CPEB2: variants seen among roughly 807,000 people sequenced by gnomAD.
The protein encoded by CPEB2 is cytoplasmic polyadenylation element-binding protein 2.
CPEB2 carries 56 observed loss-of-function variants against 93.6 expected under a neutral mutation model. That is an observed-to-expected ratio of 0.60 (90% CI 0.48 to 0.75). The LOEUF (loss-of-function observed/expected upper bound fraction) is 0.75. Ranked by LOEUF, CPEB2 falls within the 30% of genes least tolerant of loss-of-function variation. The pLI is 0.00. For synonymous variants in CPEB2, 764 were observed against 586.3 expected, an observed-to-expected ratio of 1.30 and a Z score of -4.38; for missense variants, 1,579 against 1,395.1, an observed-to-expected ratio of 1.13 and a Z score of -2.10.
intron 3 of CPEB2, 51 bp from the exon 4 acceptor site, chr4:15,017,137 T>G (rs1268302741): frequency 9.5e-7 from 1 of 1,047,770 alleles, no homozygotes; most frequent in Non-Finnish European, 1.5e-6. Flanking sequence ...TATAATCGCT[T>G]TTTGAAAAAA....
In CPEB2 at chr4:15,002,841, C is replaced by G. The variant is rs1389863101; in HGVS notation, c.168C>G (p.Thr56=). ...GPLSPPPLPV[T]GFLEAASPFS... ...TGTCGCCACCACCGTTGCCTGTCAC[C>G]GGCTTCTTAGAGGCCGCCTCCCCCT... is the stretch of plus-strand genomic sequence containing the variant. The change falls in exon 1 of 12, where the codon ACC becomes ACG. Residue 56 remains threonine, a synonymous_variant. Transcript: ENST00000538197. The G allele has an allele frequency of 6.5e-7, 1 of 1,535,124 alleles. No homozygotes were observed. Among genetic ancestry groups the G allele is most frequent in the Non-Finnish European group, 8.7e-7 (1 of 1,146,566 alleles).
At chr4:15,054,296 G>A in intron 8 of CPEB2, 79 bp downstream of exon 8, 2 of 950,652 alleles carry the variant, frequency 2.1e-6, no homozygotes, top group Admixed American at 2.2e-5. Flanking sequence ...TACTTAGCCA[G>A]TTAGGAATCA....
intron 1 of CPEB2, chr4:15,005,112 C>T (rs945371095): frequency 9.9e-5 from 15 of 152,172 alleles, no homozygotes; most frequent in African/African-American, 3.4e-4. Flanking sequence ...CCGCCCTCCT[C>T]GCAGGACCTG....
rs1430323932 is a variant in CPEB2, at chr4:15,004,027, G to A, written c.1354G>A (p.Gly452Arg). ...CGACTCAGAGAACGGCTTCTACCCC[G>A]GGCTGCCGTCGTCCATGAACCCGGC... ...SPDSENGFYP[G>R]LPSSMNPAFF... is the part of the protein sequence containing the mutation. Residue 452 changes from glycine to arginine, a missense_variant, in exon 1 of 12, where the codon GGG (glycine) becomes AGG (arginine). Gly to Arg is a moderately radical substitution (Grantham distance 125, BLOSUM62 -2). Coordinates refer to ENST00000538197, the MANE Select transcript of CPEB2 (RefSeq NM_001177382.2). 5 of 1,561,266 alleles carry A rather than the reference G, an allele frequency of 3.2e-6. No individual in the cohort carries two copies. The highest frequency in any genetic ancestry group is 1.9e-5 in the Admixed American group (1 of 53,968).
chr4:15,054,160 C>A lies in CPEB2; in HGVS notation c.2404C>A (p.Pro802Thr). The A allele has an allele frequency of 1.2e-6, 2 of 1,610,414 alleles. No homozygotes were observed. Among genetic ancestry groups the A allele is most frequent in the East Asian group, 2.2e-5 (1 of 44,512 alleles). Residue 802 changes from proline (P) to threonine (T), a missense_variant, in exon 8 of 12, where the codon CCT becomes ACT. Transcript: ENST00000538197. ...EITASFRRFG[P>T]LVVDWPHKAE... The stretch of plus-strand genomic sequence containing the variant: ...AACTGCTAGCTTCAGAAGATTTGGG[C>A]CTTTGGTAGTAGATTGGCCTCATAA...
intron 6 of CPEB2, among the ~76,000 whole-genome samples, chr4:15,041,443 C>G (rs552226978): frequency 4.6e-5 from 7 of 151,364 alleles, no homozygotes; most frequent in Non-Finnish European, 7.4e-5. Context: ...GCTCTTGTTG[C>G]CCAGGCTGGA....
chr4:15,027,518 T>C (rs1317033925), intron 4 of CPEB2, among the ~76,000 whole-genome samples: 3 of 152,180 alleles, frequency 2.0e-5, no homozygotes, highest in African/African-American at 7.2e-5. Flanking sequence ...TGAGCAGAGA[T>C]TGGAGTTATT....
chr4:15,042,547 A>G (rs1727290119), intron 6 of CPEB2, among the ~76,000 whole-genome samples: 1 of 152,178 alleles, frequency 6.6e-6, no homozygotes, highest in Non-Finnish European at 1.5e-5. Context: ...GGCTTAGCAT[A>G]AGGGGGAGTG....
At chr4:15,034,804 G>A (rs1164549422) in intron 5 of CPEB2, among the ~76,000 whole-genome samples, 1 of 152,134 alleles carries the variant, frequency 6.6e-6, no homozygotes, top group Non-Finnish European at 1.5e-5. Flanking sequence ...AAGAAGTCTT[G>A]AATATTAGGG....
Position 15,003,033 on chromosome 4 carries a change from C to A in CPEB2, c.360C>A (p.Asp120Glu). 1 of 1,507,772 alleles carries A rather than the reference C, an allele frequency of 6.6e-7. No homozygotes were observed. Among genetic ancestry groups the A allele is most frequent in the Middle Eastern group, 1.7e-4 (1 of 5,832 alleles). The allele number at this position is 1,507,772 out of a possible 1,614,324, so 93.4% of individuals were successfully genotyped here. A position where few individuals can be genotyped will look rare whatever the true frequency, so the allele number is the denominator to read the frequency against. Residue 120 changes from aspartate to glutamate, a missense_variant, in exon 1 of 12, where the codon GAC (aspartate) becomes GAA (glutamate). Coordinates refer to ENST00000538197, the MANE Select transcript of CPEB2 (RefSeq NM_001177382.2). ...CGGCGGCCACGGAGAAACTCCCCGA[C>A]CACCACCCCGGCGGCGGCACGATCG... ...SGAAATEKLP[D>E]HHPGGGTIAG...
At chr4:15,060,697 A>G (rs1012698042) in intron 10 of CPEB2, among the ~76,000 whole-genome samples, 3 of 152,284 alleles carry the variant, frequency 2.0e-5, no homozygotes, top group Non-Finnish European at 2.9e-5. Flanking sequence ...AGAAATTTCA[A>G]TTAAACCATG....
chr4:15,061,103 T>C (rs894382661), intron 10 of CPEB2, among the ~76,000 whole-genome samples: 4 of 152,172 alleles, frequency 2.6e-5, no homozygotes, highest in African/African-American at 9.7e-5. Flanking sequence ...ATACCGAGTG[T>C]GGCCAGTGCC....
chr4:15,003,796 C>A lies in CPEB2; in HGVS notation c.1123C>A (p.Pro375Thr). Residue 375 changes from proline to threonine, a missense_variant, in exon 1 of 12, where the codon CCG (proline) becomes ACG (threonine). Physicochemically the swap from Pro to Thr is conservative, Grantham distance 38. Around this residue, in one of 2 missense-constraint regions of CPEB2, gnomAD observed 1,411 missense variants for 1,056.0 expected, o/e 1.34. Transcript: ENST00000538197. ...GGGAGGCGGCTCCGCGTCGCCGCCGCCGCTGCCCGGCTTCGGCACCCCCTG... is the reference window on the plus strand; with the variant it reads ...GGGAGGCGGCTCCGCGTCGCCGCCGACGCTGCCCGGCTTCGGCACCCCCTG... ...GGGGGSASPP[P>T]LPGFGTPWSV... 2.8e-6 allele frequency: 3 copies of A among 1,059,590 alleles called. No homozygotes were observed. Among genetic ancestry groups the A allele is most frequent in the Non-Finnish European group, 3.6e-6 (3 of 843,642 alleles). The allele number at this position is 1,059,590 out of a possible 1,614,324, so 65.6% of individuals were successfully genotyped here.
intron 5 of CPEB2, among the ~76,000 whole-genome samples, chr4:15,036,925 G>T (rs1726666336): frequency 6.6e-6 from 1 of 152,184 alleles, no homozygotes; most frequent in African/African-American, 2.4e-5. Context: ...AAATGGGAAA[G>T]TGGGGTAGCC....
chr4:15,014,178 T>C (rs772353061), intron 3 of CPEB2, among the ~76,000 whole-genome samples: 43 of 152,016 alleles, frequency 2.8e-4, no homozygotes, highest in Non-Finnish European at 5.7e-4. Flanking sequence ...TTGGGAAATA[T>C]TGTTTGGGTG....
chr4:15,067,824 A>C lies in CPEB2; in HGVS notation c.*1444A>C, dbSNP rs1156947306. The C allele has an allele frequency of 6.6e-6, 1 of 152,368 alleles. No individual in the cohort carries two copies. Among genetic ancestry groups the C allele is most frequent in the Non-Finnish European group, 1.5e-5 (1 of 67,906 alleles). 9.4% of individuals were successfully genotyped at this position (152,368 alleles called of 1,614,324 possible). On this transcript the variant is annotated 3_prime_UTR_variant, in exon 12 of 12. Transcript: ENST00000538197. The stretch of plus-strand genomic sequence containing the variant: ...AACTGGGGTCACTGTTGCATGGAAC[A>C]TTGTTCTTAATAGTTGAGAATTGCT...
rs142927413 is a variant in CPEB2 at position 15,004,017 on chromosome 4, C to T, written c.1344C>T (p.Gly448=). The change falls in exon 1 of 12, where the codon GGC becomes GGT. Residue 448 remains glycine (G), a synonymous_variant. Coordinates refer to ENST00000538197, the MANE Select transcript of CPEB2 (RefSeq NM_001177382.2). ...CGCCCAGCCCCGACTCAGAGAACGG[C>T]TTCTACCCCGGGCTGCCGTCGTCCA... is the stretch of plus-strand genomic sequence containing the variant. ...MPPPSPDSEN[G]FYPGLPSSMN... is the part of the protein sequence containing the mutation. The T allele has an allele frequency of 0.034, 52,343 of 1,558,628 alleles. 1,424 individuals carry two copies. The highest frequency in any genetic ancestry group is 0.12 in the South Asian group (10,467 of 85,532).
intron 4 of CPEB2, among the ~76,000 whole-genome samples, chr4:15,032,430 C>T (rs1413904420): frequency 6.6e-6 from 1 of 152,162 alleles, no homozygotes; most frequent in Non-Finnish European, 1.5e-5. Flanking sequence ...CAGAATGTTT[C>T]ATGCATACCT....
intron 11 of CPEB2, among the ~76,000 whole-genome samples, chr4:15,064,949 A>G (rs750625975): frequency 5.3e-5 from 8 of 152,272 alleles, no homozygotes; most frequent in African/African-American, 1.7e-4. Flanking sequence ...AATTTAAAAA[A>G]CAAACAAAAC....
Sources: gnomAD v4.1 joint callset for allele counts (sites outside exome capture counted in the v4.1 genomes callset) on GRCh38, gnomAD v4.1.1 for gene constraint, gnomAD v4.1.1 regional missense constraint, MANE v1.5 for transcripts, NCBI Gene and HGNC (gene_info 2026-07-23, HGNC 2026-07-21) for gene names.